The following KCNT2 variants were observed in gnomAD, a reference collection of about 807,000 sequenced individuals.
The protein encoded by KCNT2 is potassium channel subfamily T member 2.
A neutral mutation model predicts 153.8 loss-of-function variants in KCNT2; 67 were observed. That is an observed-to-expected ratio of 0.44 (90% CI 0.36 to 0.53). The LOEUF (loss-of-function observed/expected upper bound fraction) is 0.53, where lower values mean the gene tolerates loss of function less well. KCNT2 is among the 20% of genes least tolerant of loss of function. KCNT2 has a pLI of 0.00. For missense variants in KCNT2, 975 were observed against 1,354.8 expected (o/e 0.72, Z 4.40); for synonymous variants, 500 against 458.8 (o/e 1.09, Z -1.15).
intron 20 of KCNT2, among the ~76,000 whole-genome samples, chr1:196,316,307 T>C (rs1313979080): frequency 6.6e-6 from 1 of 151,738 alleles, no homozygotes; most frequent in Non-Finnish European, 1.5e-5. Flanking sequence ...ATTATATACA[T>C]GAAATATGGA....
At chr1:196,602,773 T>G (rs1270325556) in intron 1 of KCNT2, among the ~76,000 whole-genome samples, 1 of 13,114 alleles carries the variant, frequency 7.6e-5, no homozygotes, top group African/African-American at 9.3e-5. Context: ...AAAGTCTATT[T>G]TTTTTTTTTT....
In KCNT2 at chr1:196,340,563, C is replaced by T. The variant is rs200217178; in HGVS notation, c.1561G>A (p.Val521Ile). 175 of 1,526,166 alleles carry T rather than the reference C, an allele frequency of 1.1e-4. 1 individual carries two copies. Among genetic ancestry groups the T allele is most frequent in the South Asian group, 4.0e-4 (31 of 76,592 alleles). The allele number at this position is 1,526,166 out of a possible 1,614,324, so 94.5% of individuals were successfully genotyped here. A position where few individuals can be genotyped will look rare whatever the true frequency, so the allele number is the denominator to read the frequency against. The change falls in exon 16 of 28, where the codon GTC becomes ATC. Residue 521 changes from valine to isoleucine, a missense_variant. Val to Ile is a conservative substitution (Grantham distance 29). Coordinates refer to ENST00000294725, the MANE Select transcript of KCNT2 (RefSeq NM_198503.5). ...ASFHAHKKFG[V>I]CLIGVRREDN... ...TCCCTCCTAACACCAATCAAGCAGA[C>T]GCCAAACCTTAATTTAAAAAAAAAG...
intron 19 of KCNT2, among the ~76,000 whole-genome samples, chr1:196,322,085 T>C (rs1663377867): frequency 6.6e-6 from 1 of 151,930 alleles, no homozygotes; most frequent in African/African-American, 2.4e-5. Context: ...GTCCCCAAAG[T>C]ACTGATGAAG....
At chr1:196,379,617 GGAGA>G (rs1175975528) in intron 13 of KCNT2, among the ~76,000 whole-genome samples, 7 of 142,554 alleles carry the variant, frequency 4.9e-5, no homozygotes, top group African/African-American at 1.9e-4. Context: ...CTGTATATAT[GGAGA>G]GAGAGAAGAA....
At chr1:196,602,283 T>C (rs896320298) in intron 1 of KCNT2, among the ~76,000 whole-genome samples, 15 of 152,184 alleles carry the variant, frequency 9.9e-5, no homozygotes, top group African/African-American at 3.6e-4. Context: ...AAATATTGCT[T>C]TTTGCTTTAT....
intron 14 of KCNT2, among the ~76,000 whole-genome samples, chr1:196,358,502 C>T (rs1417599966): frequency 6.6e-6 from 1 of 151,732 alleles, no homozygotes; most frequent in Admixed American, 6.6e-5. Flanking sequence ...GATTTTATTC[C>T]TTTGAATAAT....
Position 196,532,357 on chromosome 1 carries a change from A to C in KCNT2, c.96-40016T>G, listed in dbSNP as rs576241378. Among the ~76,000 whole-genome samples the C allele has an allele frequency of 3.3e-5, 5 of 152,016 alleles. No individual in the cohort carries two copies. In the South Asian group the frequency reaches 8.3e-4, roughly 25 times the overall value. On this transcript the variant is annotated intron_variant, in intron 1 of 27. Transcript: ENST00000294725. Reference sequence around the variant, plus strand: ...TTGGACCTGATTTTGAGTTTCCAGAACTAACATCAATAGAAGCATTCAACA... The same window carrying C: ...TTGGACCTGATTTTGAGTTTCCAGACCTAACATCAATAGAAGCATTCAACA...
chr1:196,333,102 T>C, intron 17 of KCNT2, among the ~76,000 whole-genome samples: 1 of 151,700 alleles, frequency 6.6e-6, no homozygotes, highest in South Asian at 2.1e-4. Flanking sequence ...AAGTTTTTTT[T>C]TTTTTTTGTT....
At chr1:196,280,761 A>T in intron 25 of KCNT2, 99 bp downstream of exon 25, 1 of 1,176,400 alleles carries the variant, frequency 8.5e-7, no homozygotes, top group Non-Finnish European at 1.2e-6. Flanking sequence ...ATTCTTTTTC[A>T]CTTTCTCTTG....
At chr1:196,422,042 G>T (rs1673252861) in intron 12 of KCNT2, among the ~76,000 whole-genome samples, 1 of 151,996 alleles carries the variant, frequency 6.6e-6, no homozygotes, top group Non-Finnish European at 1.5e-5. Flanking sequence ...CACATGCTGA[G>T]GTACTAAGGG....
intron 13 of KCNT2, among the ~76,000 whole-genome samples, chr1:196,374,161 G>A (rs943084762): frequency 2.6e-5 from 4 of 151,840 alleles, no homozygotes; most frequent in African/African-American, 9.7e-5. Context: ...TAAAGAGAAG[G>A]TTTAAAATTC....
At chr1:196,268,629 C>T (rs568647404) in intron 25 of KCNT2, among the ~76,000 whole-genome samples, 2 of 152,136 alleles carry the variant, frequency 1.3e-5, no homozygotes, top group Admixed American at 6.6e-5. Context: ...AACCTTCTGC[C>T]CCAGATTTGA....
intron 3 of KCNT2, among the ~76,000 whole-genome samples, chr1:196,488,539 C>G (rs915982859): frequency 2.6e-5 from 4 of 151,822 alleles, no homozygotes; most frequent in Non-Finnish European, 1.5e-5. Context: ...GCCCTTTTAC[C>G]CTTAGAAGGA....
At chr1:196,581,081 T>A (rs1661983718) in intron 1 of KCNT2, among the ~76,000 whole-genome samples, 1 of 152,070 alleles carries the variant, frequency 6.6e-6, no homozygotes, top group Non-Finnish European at 1.5e-5. Context: ...AACGTACAGT[T>A]TTTTTTTCAG....
intron 23 of KCNT2, among the ~76,000 whole-genome samples, chr1:196,284,230 T>TA (rs1190571024): frequency 0.043 from 128 of 2,974 alleles, 37 homozygotes; most frequent in South Asian, 0.11. Context: ...GACTCTGTCT[T>TA]AAAAAAAAAA....
intron 3 of KCNT2, among the ~76,000 whole-genome samples, chr1:196,485,297 G>C (rs911417387): frequency 6.6e-6 from 1 of 151,850 alleles, no homozygotes; most frequent in Admixed American, 6.6e-5. Context: ...GGCCTGTTGG[G>C]GATTGGGGGG....
chr1:196,377,246 C>A (rs1669046887), intron 13 of KCNT2, among the ~76,000 whole-genome samples: 1 of 151,850 alleles, frequency 6.6e-6, no homozygotes, highest in South Asian at 2.1e-4. Context: ...TGGGCATAAA[C>A]ATCATCAGAT....
At chr1:196,584,819 A>G (rs1463562513) in intron 1 of KCNT2, among the ~76,000 whole-genome samples, 1 of 152,082 alleles carries the variant, frequency 6.6e-6, no homozygotes, top group Non-Finnish European at 1.5e-5. Context: ...TTACCCAAGT[A>G]CAAATATGAT....
At chr1:196,311,677 C>G (rs965430883) in intron 21 of KCNT2, among the ~76,000 whole-genome samples, 7 of 151,822 alleles carry the variant, frequency 4.6e-5, no homozygotes, top group East Asian at 3.9e-4. Flanking sequence ...CTTTTTTTCC[C>G]CAGCTCCTAG....
Sources: allele counts gnomAD v4.1 joint callset (sites outside exome capture counted in the v4.1 genomes callset), GRCh38; gene constraint gnomAD v4.1.1; transcripts MANE v1.5; gene names NCBI Gene and HGNC (gene_info 2026-07-23, HGNC 2026-07-21).